The following SYNPO2 variants were observed in gnomAD, a reference collection of about 807,000 sequenced individuals.
SYNPO2 encodes the protein synaptopodin-2.
Under a neutral mutation model 85.0 loss-of-function variants are expected in SYNPO2, and 56 were observed. That is an observed-to-expected ratio of 0.66 (90% CI 0.53 to 0.82). The LOEUF is 0.82. Among genes scored for constraint, SYNPO2 ranks in the 40% least tolerant of loss-of-function variants. SYNPO2 has a pLI of 0.00. For synonymous variants in SYNPO2, 602 were observed against 591.1 expected, an observed-to-expected ratio of 1.02 and a Z score of -0.27; for missense variants, 1,575 against 1,534.2, an observed-to-expected ratio of 1.03 and a Z score of -0.44.
chr4:118,926,104 G>T (rs929062057), intron 1 of SYNPO2, among the ~76,000 whole-genome samples: 1 of 152,110 alleles, frequency 6.6e-6, no homozygotes, highest in Non-Finnish European at 1.5e-5. Flanking sequence ...AGTGACAAAG[G>T]TGTAGCATGG....
At chr4:118,936,591 G>A (rs749137001) in intron 1 of SYNPO2, among the ~76,000 whole-genome samples, 1 of 152,176 alleles carries the variant, frequency 6.6e-6, no homozygotes, top group Non-Finnish European at 1.5e-5. Flanking sequence ...TAACCACCCA[G>A]GGTACACAGC....
At chr4:118,916,263 G>T (rs1006317302) in intron 1 of SYNPO2, among the ~76,000 whole-genome samples, 3 of 150,684 alleles carry the variant, frequency 2.0e-5, no homozygotes, top group Non-Finnish European at 4.4e-5. Flanking sequence ...GCCTCAACCT[G>T]CTGGGCTCAA....
chr4:118,902,245 T>A (rs1198433671), intron 1 of SYNPO2, among the ~76,000 whole-genome samples: 1 of 152,200 alleles, frequency 6.6e-6, no homozygotes, highest in Non-Finnish European at 1.5e-5. Flanking sequence ...CATTTCGGCT[T>A]CTCATGATGT....
chr4:118,966,279 C>T (rs1735314884), intron 1 of SYNPO2, among the ~76,000 whole-genome samples: 1 of 152,004 alleles, frequency 6.6e-6, no homozygotes, highest in African/African-American at 2.4e-5. Context: ...CCCTCTGGCT[C>T]CTATACCTCA....
chr4:119,007,253 CAT>C (rs59327133), intron 1 of SYNPO2, among the ~76,000 whole-genome samples: 578 of 38,062 alleles, frequency 0.015, 14 homozygotes, highest in East Asian at 0.031. Flanking sequence ...TATGTATATA[CAT>C]ATATATATAT....
At chr4:118,897,203 G>C (rs972281730) in intron 1 of SYNPO2, among the ~76,000 whole-genome samples, 1 of 152,004 alleles carries the variant, frequency 6.6e-6, no homozygotes, top group African/African-American at 2.4e-5. Flanking sequence ...AGTGAGTCGG[G>C]GACTGCCAAA....
intron 1 of SYNPO2, among the ~76,000 whole-genome samples, chr4:118,979,688 G>T (rs188841298): frequency 5.9e-4 from 90 of 152,272 alleles, no homozygotes; most frequent in African/African-American, 2.0e-3. Context: ...ACAATGACAG[G>T]GTAGCAACAG....
At chr4:118,885,590 A>G (rs1732185007), upstream of SYNPO2, among the ~76,000 whole-genome samples, 1 of 151,008 alleles carries the variant, frequency 6.6e-6, no homozygotes, top group Non-Finnish European at 1.5e-5. Context: ...CTCTTGCCTC[A>G]GCCTCCCGAG....
chr4:119,037,010 T>A lies in SYNPO2; in HGVS notation c.3252+4983T>A, dbSNP rs537790176. On this transcript the variant is annotated intron_variant, in intron 4 of 4. Transcript: ENST00000307142. ...TGTTATTAATATAGGTAATAATTTT[T>A]CTAATTTTTATTTTTTGGTTCCAAA... The A allele has an allele frequency of 7.6e-5, 104 of 1,360,604 alleles. 1 individual carries two copies. The African/African-American group carries it at 1.3e-3, about 17-fold the overall frequency. 84.3% of individuals were successfully genotyped at this position (1,360,604 alleles called of 1,614,324 possible).
exon 1 of SYNPO2, chr4:118,850,920 A>G (rs1449989675): frequency 2.5e-6 from 1 of 398,602 alleles, no homozygotes; most frequent in Non-Finnish European, 4.4e-6. Flanking sequence ...AAGAGATGAG[A>G]CAAGAGGAAT....
chr4:119,004,052 T>C (rs1458867827), intron 1 of SYNPO2, among the ~76,000 whole-genome samples: 1 of 152,196 alleles, frequency 6.6e-6, no homozygotes, highest in Non-Finnish European at 1.5e-5. Flanking sequence ...ACTGTGTTTT[T>C]AGACTTTCAA....
chr4:118,901,007 T>C (rs1402063443), intron 1 of SYNPO2, among the ~76,000 whole-genome samples: 1 of 152,008 alleles, frequency 6.6e-6, no homozygotes, highest in African/African-American at 2.4e-5. Flanking sequence ...TCCAGCAACA[T>C]ATATTTTTTT....
chr4:118,953,134 G>A (rs1444778994), intron 1 of SYNPO2, among the ~76,000 whole-genome samples: 1 of 152,154 alleles, frequency 6.6e-6, no homozygotes, highest in Non-Finnish European at 1.5e-5. Context: ...TAAGGGACAG[G>A]AAGACAGCCC....
chr4:118,879,512 C>G (rs984545719), intron 1 of SYNPO2, among the ~76,000 whole-genome samples: 3 of 152,180 alleles, frequency 2.0e-5, no homozygotes, highest in African/African-American at 4.8e-5. Flanking sequence ...TGTGAGGACA[C>G]AATGAGAAGA....
At chr4:119,039,374 T>A (rs1738638180) in intron 4 of SYNPO2, among the ~76,000 whole-genome samples, 1 of 152,118 alleles carries the variant, frequency 6.6e-6, no homozygotes, top group Non-Finnish European at 1.5e-5. Flanking sequence ...GAACTGCTCA[T>A]CAGAAGTGAT....
chr4:118,904,589 C>T (rs1732871394), intron 1 of SYNPO2, among the ~76,000 whole-genome samples: 1 of 152,172 alleles, frequency 6.6e-6, no homozygotes, highest in Admixed American at 6.5e-5. Context: ...AATTCTGTGC[C>T]AGGGCCTTTG....
chr4:118,972,561 A>G (rs1186128836), intron 1 of SYNPO2, among the ~76,000 whole-genome samples: 1 of 152,238 alleles, frequency 6.6e-6, no homozygotes, highest in African/African-American at 2.4e-5. Context: ...AAGCCCTTCA[A>G]ACTGTAAGGG....
chr4:118,976,867 T>C (rs574846033), intron 1 of SYNPO2, among the ~76,000 whole-genome samples: 49 of 152,290 alleles, frequency 3.2e-4, no homozygotes, highest in East Asian at 1.4e-3. Context: ...AGAGTGTCGA[T>C]TGGTGCACTC....
intron 1 of SYNPO2, among the ~76,000 whole-genome samples, chr4:118,985,168 A>T (rs1736171554): frequency 7.0e-6 from 1 of 142,280 alleles, no homozygotes; most frequent in African/African-American, 2.6e-5. Flanking sequence ...CTTCAGAGCC[A>T]CTGCTCTAGT....
Sources: allele counts gnomAD v4.1 joint callset (sites outside exome capture counted in the v4.1 genomes callset), GRCh38; gene constraint gnomAD v4.1.1; transcripts MANE v1.5; gene names NCBI Gene and HGNC (gene_info 2026-07-23, HGNC 2026-07-21).